The following GALNT13 variants were observed in gnomAD, a reference collection of about 807,000 sequenced individuals.
The protein encoded by GALNT13 is UDP-GalNAc:polypeptide N-acetylgalactosaminyltransferase 13.
In GALNT13, 28 loss-of-function variants were observed where a neutral mutation model predicts 64.2. That is an observed-to-expected ratio of 0.44 (90% CI 0.32 to 0.60). The LOEUF is 0.60. Among genes scored for constraint, GALNT13 ranks in the 20% least tolerant of loss-of-function variants. GALNT13 has a pLI of 0.05. For missense variants in GALNT13, 577 were observed against 669.8 expected (o/e 0.86, Z 1.53); for synonymous variants, 214 against 224.6 (o/e 0.95, Z 0.42).
rs1377607678 is a variant in GALNT13, at chr2:154,451,838, T to C, written c.*1287T>C. 1.3e-5 allele frequency: 2 copies of C among 152,148 alleles called. No homozygotes were observed. Among genetic ancestry groups the C allele is most frequent in the Non-Finnish European group, 2.9e-5 (2 of 68,014 alleles). The allele number at this position is 152,148 out of a possible 1,614,324, so 9.4% of individuals were successfully genotyped here. The stretch of plus-strand genomic sequence containing the variant: ...AGAGTTGCCCTATATATGCATGTTA[T>C]CCATTATAAATGCACTCAGCAGCTA... On this transcript the variant is annotated 3_prime_UTR_variant, in exon 13 of 13. Transcript: ENST00000392825.
the GALNT13 span, among the ~76,000 whole-genome samples, chr2:153,558,602 G>A: frequency 1.3e-5 from 2 of 151,736 alleles, no homozygotes; most frequent in Non-Finnish European, 2.9e-5. Context: ...TCCTTATGTA[G>A]TGCTTTTTTT....
chr2:153,774,882 C>T, the GALNT13 span, among the ~76,000 whole-genome samples: 1 of 152,162 alleles, frequency 6.6e-6, no homozygotes, highest in Non-Finnish European at 1.5e-5. Context: ...TGCGCTCCAA[C>T]CTGGGAAACA....
chr2:153,117,626 A>G, the GALNT13 span, among the ~76,000 whole-genome samples: 208 of 152,336 alleles, frequency 1.4e-3, 2 homozygotes, highest in African/African-American at 4.9e-3. Flanking sequence ...TTTATTCAAA[A>G]TAGAGTATAA....
intron 3 of GALNT13, among the ~76,000 whole-genome samples, chr2:154,038,068 G>A (rs1698766790): frequency 6.6e-6 from 1 of 152,032 alleles, no homozygotes; most frequent in Non-Finnish European, 1.5e-5. Context: ...GAACCCGGGA[G>A]GTTGATACTG....
the GALNT13 span, among the ~76,000 whole-genome samples, chr2:153,584,872 A>G: frequency 1.3e-5 from 2 of 152,202 alleles, no homozygotes; most frequent in South Asian, 2.1e-4. Flanking sequence ...TCACTACTGC[A>G]TGTACTCAGA....
chr2:153,860,761 G>A, the GALNT13 span, among the ~76,000 whole-genome samples: 1 of 152,130 alleles, frequency 6.6e-6, no homozygotes. Flanking sequence ...ATATTTCTAT[G>A]ACCAACGTGA....
chr2:154,286,681 C>T, intron 8 of GALNT13: 1 of 309,478 alleles, frequency 3.2e-6, no homozygotes, highest in South Asian at 3.3e-5. Flanking sequence ...ATACAGTGTG[C>T]ATGCTGGACA....
At chr2:154,218,793 C>A (rs1688178339) in intron 4 of GALNT13, among the ~76,000 whole-genome samples, 2 of 152,018 alleles carry the variant, frequency 1.3e-5, no homozygotes, top group South Asian at 2.1e-4. Flanking sequence ...ATACACATTT[C>A]TTATCTATTA....
the GALNT13 span, among the ~76,000 whole-genome samples, chr2:153,345,509 T>C: frequency 1.1e-3 from 163 of 152,268 alleles, no homozygotes; most frequent in South Asian, 3.1e-3. Flanking sequence ...CAGGATGAGA[T>C]AGAGTATGAA....
chr2:153,439,221 C>T, the GALNT13 span, among the ~76,000 whole-genome samples: 1 of 152,120 alleles, frequency 6.6e-6, no homozygotes, highest in East Asian at 1.9e-4. Flanking sequence ...GAGGTGTCAG[C>T]CGCCCCTACT....
At chr2:153,687,859 A>G in the GALNT13 span, among the ~76,000 whole-genome samples, 2 of 152,012 alleles carry the variant, frequency 1.3e-5, no homozygotes, top group Non-Finnish European at 2.9e-5. Flanking sequence ...AAAGAAAGAA[A>G]GTAGCAATAA....
the GALNT13 span, among the ~76,000 whole-genome samples, chr2:153,146,840 C>T: frequency 1.3e-5 from 2 of 151,878 alleles, no homozygotes; most frequent in African/African-American, 4.8e-5. Context: ...ACTATTTGCT[C>T]ATGGGATTTA....
chr2:154,342,535 T>G (rs1464905141), intron 9 of GALNT13, among the ~76,000 whole-genome samples: 1 of 149,636 alleles, frequency 6.7e-6, no homozygotes, highest in South Asian at 2.1e-4. Context: ...TCTAAATGAT[T>G]TTTTAAAATC....
the GALNT13 span, among the ~76,000 whole-genome samples, chr2:153,189,268 C>T: frequency 5.9e-5 from 9 of 152,130 alleles, no homozygotes; most frequent in Non-Finnish European, 1.0e-4. Flanking sequence ...TCATTCTACT[C>T]TCTATATCCA....
intron 12 of GALNT13, among the ~76,000 whole-genome samples, chr2:154,448,174 C>G (rs1701689925): frequency 6.6e-6 from 1 of 152,020 alleles, no homozygotes; most frequent in African/African-American, 2.4e-5. Context: ...TTTAGAATTA[C>G]AAGTCTGCAT....
chr2:154,369,904 A>G lies in GALNT13; in HGVS notation c.1157-26087A>G, dbSNP rs549277635. Among the ~76,000 whole-genome samples, 5 of 152,192 alleles carry G rather than the reference A, an allele frequency of 3.3e-5. No homozygotes were observed. The East Asian group carries it at 5.8e-4, about 18-fold the overall frequency. ...TGTGTGTGTAGAGGGGGAGAAAGAT[A>G]TTTAAATTTCTGCCCAGTCTCTTGA... On this transcript the variant is annotated intron_variant, in intron 9 of 12. Transcript: ENST00000392825.
At chr2:153,820,705 T>G in the GALNT13 span, among the ~76,000 whole-genome samples, 1 of 152,056 alleles carries the variant, frequency 6.6e-6, no homozygotes, top group African/African-American at 2.4e-5. Flanking sequence ...TACAAGAAAT[T>G]CTTATGGGAG....
chr2:153,756,295 G>T, the GALNT13 span, among the ~76,000 whole-genome samples: 1 of 151,978 alleles, frequency 6.6e-6, no homozygotes, highest in South Asian at 2.1e-4. Flanking sequence ...ATTAAAAAGA[G>T]AAAAATGCTT....
the GALNT13 span, among the ~76,000 whole-genome samples, chr2:153,290,601 G>A: frequency 2.0e-3 from 304 of 152,182 alleles, no homozygotes; most frequent in Admixed American, 4.1e-3. Flanking sequence ...TGTTTATTGT[G>A]CATTTCTACA....
Sources: allele counts gnomAD v4.1 joint callset (sites outside exome capture counted in the v4.1 genomes callset), GRCh38; gene constraint gnomAD v4.1.1; transcripts MANE v1.5; gene names NCBI Gene and HGNC (gene_info 2026-07-23, HGNC 2026-07-21).